Variants in CREBRF observed in about 807,000 individuals in gnomAD.
CREBRF encodes the protein CREB3 regulatory factor, also known as UPF0474 protein C5orf41.
A neutral mutation model predicts 66.1 loss-of-function variants in CREBRF; 5 were observed. That is an observed-to-expected ratio of 0.08 (90% confidence interval 0.04 to 0.16). The LOEUF (loss-of-function observed/expected upper bound fraction) is 0.16. Among genes scored for constraint, CREBRF ranks in the 10% least tolerant of loss-of-function variants. The pLI, the probability that CREBRF is intolerant of heterozygous loss-of-function variation, is 1.00. For missense variants in CREBRF, 531 were observed against 744.9 expected (o/e 0.71, Z 3.34); for synonymous variants, 229 against 264.4 (o/e 0.87, Z 1.30).
intron 2 of CREBRF, among the ~76,000 whole-genome samples, chr5:173,083,190 C>G (rs997043596): frequency 2.0e-5 from 3 of 151,880 alleles, no homozygotes; most frequent in Non-Finnish European, 2.9e-5. Flanking sequence ...ATCATGCCAA[C>G]AGAGCGAGAC....
At chr5:173,064,776 C>T (rs970607907) in intron 1 of CREBRF, among the ~76,000 whole-genome samples, 3 of 152,212 alleles carry the variant, frequency 2.0e-5, no homozygotes, top group Admixed American at 1.3e-4. Context: ...GTTGGTCAGG[C>T]TGGTCTTGAA....
At chr5:173,127,600 C>T (rs1759307028) in intron 8 of CREBRF, among the ~76,000 whole-genome samples, 2 of 151,786 alleles carry the variant, frequency 1.3e-5, no homozygotes, top group South Asian at 4.2e-4. Context: ...GCTGGGACTA[C>T]AGGCGCATGC....
chr5:173,086,123 T>TGGAAATTTGTTTGTCGTGTA (rs1241783020), intron 2 of CREBRF: 2 of 801,214 alleles, frequency 2.5e-6, no homozygotes, highest in African/African-American at 3.4e-5. Flanking sequence ...GTTATTCCGA[T>TGGAAATTTGTTTGTCGTGTA]GGAAATTTGT....
intron 7 of CREBRF, among the ~76,000 whole-genome samples, chr5:173,113,421 G>C (rs1374142635): frequency 6.6e-6 from 1 of 151,726 alleles, no homozygotes; most frequent in Non-Finnish European, 1.5e-5. Context: ...CAGTTCTCTT[G>C]CCTCAGCCTC....
At chr5:173,094,327 T>A (rs1322907980) in intron 4 of CREBRF, among the ~76,000 whole-genome samples, 1 of 152,238 alleles carries the variant, frequency 6.6e-6, no homozygotes, top group Non-Finnish European at 1.5e-5. Flanking sequence ...GATCATATGA[T>A]CGTTCTATTT....
intron 8 of CREBRF, chr5:173,124,041 TCTTC>T (rs1407690439): frequency 6.6e-6 from 1 of 152,230 alleles, no homozygotes; most frequent in Non-Finnish European, 1.5e-5. Flanking sequence ...GCATTTTTAT[TCTTC>T]CTTTATTAGC....
At chr5:173,068,858 C>A (rs1757513365) in intron 1 of CREBRF, among the ~76,000 whole-genome samples, 1 of 150,832 alleles carries the variant, frequency 6.6e-6, no homozygotes, top group Non-Finnish European at 1.5e-5. Context: ...TGCCTGAGCT[C>A]AGGAGTTCGA....
At chr5:173,115,187 A>G (rs1029469330) in intron 7 of CREBRF, among the ~76,000 whole-genome samples, 4 of 149,704 alleles carry the variant, frequency 2.7e-5, no homozygotes, top group South Asian at 2.1e-4. Context: ...GCTCACCGCA[A>G]CCTCTGCCTC....
intron 7 of CREBRF, among the ~76,000 whole-genome samples, chr5:173,115,623 G>A (rs533487540): frequency 6.6e-6 from 1 of 151,850 alleles, no homozygotes; most frequent in South Asian, 2.1e-4. Context: ...ACATATATTG[G>A]CCCTGAATGT....
chr5:173,114,528 G>A (rs1758937965), intron 7 of CREBRF, among the ~76,000 whole-genome samples: 1 of 152,156 alleles, frequency 6.6e-6, no homozygotes, highest in Admixed American at 6.5e-5. Flanking sequence ...TATAAGGAAG[G>A]ATATTTTAGT....
chr5:173,128,622 A>G (rs1465306807), intron 8 of CREBRF, among the ~76,000 whole-genome samples: 2 of 151,996 alleles, frequency 1.3e-5, no homozygotes, highest in African/African-American at 4.8e-5. Flanking sequence ...TACAGTTTTT[A>G]TCATCACGAA....
At position 173,091,272 on chromosome 5, in the gene CREBRF, GATGATGAGGACC is replaced by G; in HGVS notation, c.1101_1112del (p.Asp368_Glu371del). On this transcript the variant is annotated inframe_deletion, in exon 4 of 9. Transcript: ENST00000296953. ...AGATGAGGAGGACGAGGAGGATGTT[GATGATGAGGACC>G]ATGATGAAGGATTCGGCAGTGAGCA... 1.2e-6 allele frequency: 2 copies of G among 1,613,828 alleles called. No individual in the cohort carries two copies. The highest frequency in any genetic ancestry group is 2.2e-5 in the South Asian group (2 of 91,040).
At chr5:173,082,030 T>TGTTTTTTTTTTTTTTTTTTTTG (rs1757969831) in intron 2 of CREBRF, among the ~76,000 whole-genome samples, 1 of 119,414 alleles carries the variant, frequency 8.4e-6, no homozygotes, top group Non-Finnish European at 1.8e-5. Context: ...TTTTTTTTTT[T>TGTTTTTTTTTTTTTTTTTTTTG]TGAGCTGGAG....
intron 1 of CREBRF, among the ~76,000 whole-genome samples, chr5:173,061,548 T>C (rs1757274196): frequency 6.6e-6 from 1 of 152,234 alleles, no homozygotes; most frequent in African/African-American, 2.4e-5. Flanking sequence ...CAGGATATGG[T>C]CCTCTTGAAG....
chr5:173,076,487 G>C (rs76107324), intron 1 of CREBRF, among the ~76,000 whole-genome samples: 1 of 152,102 alleles, frequency 6.6e-6, no homozygotes, highest in Non-Finnish European at 1.5e-5. Context: ...TCAGTGTCTC[G>C]CACCTGTAAT....
intron 4 of CREBRF, chr5:173,091,797 G>C: frequency 1.0e-6 from 1 of 990,506 alleles, no homozygotes; most frequent in African/African-American, 1.7e-5. Context: ...AAATATTCCT[G>C]TTTAGGGCCA....
chr5:173,136,154 C>T lies in CREBRF; in HGVS notation c.*2409C>T, dbSNP rs1273710505. ...ATAAAATTGCCCCTTTCTAGCTGCT[C>T]TGTTAGGAATTCTGGTTTTTGATAC... is the stretch of plus-strand genomic sequence containing the variant. On this transcript the variant is annotated 3_prime_UTR_variant, in exon 9 of 9. Coordinates refer to ENST00000296953, the MANE Select transcript of CREBRF (RefSeq NM_153607.3). 5 of 151,932 alleles carry T rather than the reference C, an allele frequency of 3.3e-5. No individual in the cohort carries two copies. The highest frequency in any genetic ancestry group is 1.2e-4 in the African/African-American group (5 of 41,246). The allele number at this position is 151,932 out of a possible 1,614,324, so 9.4% of individuals were successfully genotyped here. A position where few individuals can be genotyped will look rare whatever the true frequency, so the allele number is the denominator to read the frequency against.
chr5:173,105,530 G>T (rs1354555985), intron 4 of CREBRF, among the ~76,000 whole-genome samples: 2 of 151,976 alleles, frequency 1.3e-5, no homozygotes, highest in African/African-American at 4.8e-5. Context: ...GAGTGCAGTG[G>T]TATGATCTCG....
chr5:173,133,463 A>G (rs1759519874), intron 8 of CREBRF, among the ~76,000 whole-genome samples, 167 bp from the exon 9 acceptor site: 1 of 152,174 alleles, frequency 6.6e-6, no homozygotes, highest in Non-Finnish European at 1.5e-5. Flanking sequence ...CAGTAATATG[A>G]AGGGTAGCAT....
Sources: allele counts gnomAD v4.1 joint callset (sites outside exome capture counted in the v4.1 genomes callset), GRCh38; gene constraint gnomAD v4.1.1; transcripts MANE v1.5; gene names NCBI Gene and HGNC (gene_info 2026-07-23, HGNC 2026-07-21).